GATAD2B: variants seen among roughly 807,000 people sequenced by gnomAD.
GATAD2B encodes the protein GATA zinc finger domain containing 2B, also known as transcriptional repressor p66-beta.
In GATAD2B, 8 loss-of-function variants were observed where a neutral mutation model predicts 64.3. The ratio of observed to expected loss-of-function variants is 0.12; its 90% CI spans 0.07 to 0.22. GATAD2B has a LOEUF of 0.22. Among genes scored for constraint, GATAD2B ranks in the 10% least tolerant of loss-of-function variants. The pLI, the probability that GATAD2B is intolerant of heterozygous loss-of-function variation, is 1.00. For synonymous variants in GATAD2B, 281 were observed against 271.3 expected, an observed-to-expected ratio of 1.04 and a Z score of -0.35; for missense variants, 453 against 752.0, an observed-to-expected ratio of 0.60 and a Z score of 4.65.
intron 1 of GATAD2B, among the ~76,000 whole-genome samples, chr1:153,851,427 A>G (rs755055943): frequency 3.3e-5 from 5 of 152,108 alleles, no homozygotes; most frequent in African/African-American, 4.8e-5. Flanking sequence ...AAGGGTTCCA[A>G]TTTCTTCACT....
chr1:153,905,960 G>A (rs1338221232), intron 1 of GATAD2B, among the ~76,000 whole-genome samples: 2 of 151,142 alleles, frequency 1.3e-5, no homozygotes, highest in Non-Finnish European at 2.9e-5. Context: ...TCAGCTACTA[G>A]GGAGGCTGAG....
In GATAD2B at chr1:153,861,809, T is replaced by TATATATACAC. The variant is rs1294838675; in HGVS notation, c.-1-33462_-1-33461insGTGTATATAT. ...AAAAAAAAAAAAATATATATATATATACACATATGTATATATATGTATATG... is the reference window on the plus strand; with the variant it reads ...AAAAAAAAAAAAATATATATATATATATATATACACACACATATGTATATATATGTATATG... On this transcript the variant is annotated intron_variant, in intron 1 of 10. Transcript: ENST00000368655. 1.6e-4 allele frequency among the ~76,000 whole-genome samples: 20 copies of TATATATACAC among 122,178 alleles called. No individual in the cohort carries two copies. In the South Asian group the frequency reaches 1.9e-3, roughly 11 times the overall value. 80.2% of individuals were successfully genotyped at this position (122,178 alleles called of 152,430 possible).
intron 1 of GATAD2B, among the ~76,000 whole-genome samples, chr1:153,843,784 C>G (rs966168980): frequency 6.7e-6 from 1 of 149,394 alleles, no homozygotes; most frequent in African/African-American, 2.5e-5. Flanking sequence ...AGAGATTTAC[C>G]CTCTCACCTA....
Position 153,888,049 on chromosome 1 carries a change from T to C in GATAD2B, c.-2+34684A>G, listed in dbSNP as rs753934162. On this transcript the variant is annotated intron_variant, in intron 1 of 10. Coordinates refer to ENST00000368655, the MANE Select transcript of GATAD2B (RefSeq NM_020699.4). ...TTGCAGTGAGCTGAGATCGCGCCAC[T>C]GCACTCCAGCCTGGGCAACACAGTG... is the stretch of plus-strand genomic sequence containing the variant. 1.0e-3 allele frequency among the ~76,000 whole-genome samples: 154 copies of C among 150,732 alleles called. No homozygotes were observed. The Middle Eastern group carries it at 0.014, about 13-fold the overall frequency.
intron 1 of GATAD2B, among the ~76,000 whole-genome samples, chr1:153,831,516 AG>A (rs928857365): frequency 6.6e-6 from 1 of 152,204 alleles, no homozygotes; most frequent in Non-Finnish European, 1.5e-5. Flanking sequence ...TAAAAAAAAA[AG>A]AATAGCTTTA....
At chr1:153,898,047 T>C (rs979572935) in intron 1 of GATAD2B, among the ~76,000 whole-genome samples, 3 of 141,558 alleles carry the variant, frequency 2.1e-5, no homozygotes, top group South Asian at 2.2e-4. Flanking sequence ...CTAAAGCCTA[T>C]AATTCTAGCA....
chr1:153,827,140 G>T (rs918218574), intron 2 of GATAD2B, among the ~76,000 whole-genome samples: 1 of 151,092 alleles, frequency 6.6e-6, no homozygotes, highest in Non-Finnish European at 1.5e-5. Flanking sequence ...AGCTACTCAA[G>T]GGGGGTGGGG....
chr1:153,891,653 A>C (rs1358254579), intron 1 of GATAD2B, among the ~76,000 whole-genome samples: 1 of 13,794 alleles, frequency 7.2e-5, no homozygotes, highest in Non-Finnish European at 1.7e-4. Flanking sequence ...GGGTAAGAGG[A>C]GGTAAGTATG....
chr1:153,817,642 T>C (rs1004512364), intron 5 of GATAD2B, 100 bp from the exon 6 acceptor site: 3 of 748,810 alleles, frequency 4.0e-6, no homozygotes, highest in Non-Finnish European at 4.1e-6. Context: ...AATACATAGC[T>C]AAGTAGAAAC....
intron 1 of GATAD2B, among the ~76,000 whole-genome samples, chr1:153,908,126 G>C (rs368049134): frequency 2.6e-5 from 4 of 152,192 alleles, no homozygotes; most frequent in African/African-American, 9.6e-5. Flanking sequence ...TTTATGTTAT[G>C]TACATTTTAA....
chr1:153,899,344 G>A (rs185104310), intron 1 of GATAD2B, among the ~76,000 whole-genome samples: 4 of 152,164 alleles, frequency 2.6e-5, no homozygotes, highest in South Asian at 2.1e-4. Flanking sequence ...CAAGGTGGGC[G>A]GATCACCTGA....
At chr1:153,902,186 C>A (rs948761914) in intron 1 of GATAD2B, among the ~76,000 whole-genome samples, 56 of 152,090 alleles carry the variant, frequency 3.7e-4, no homozygotes, top group African/African-American at 1.3e-3. Flanking sequence ...AAGGCTGAGG[C>A]AGGAGAATCA....
chr1:153,903,962 C>T (rs1348059047), intron 1 of GATAD2B, among the ~76,000 whole-genome samples: 1 of 151,988 alleles, frequency 6.6e-6, no homozygotes, highest in East Asian at 1.9e-4. Context: ...CCAGCGTTGG[C>T]AACAGCATGA....
In GATAD2B at chr1:153,916,146, T is replaced by C. The variant is rs528683104; in HGVS notation, c.-2+6587A>G. On this transcript the variant is annotated intron_variant, in intron 1 of 10. Transcript: ENST00000368655. ...AAATACAAAAATTATCTGGGTGTAGTGGCAGACACCTGTAATCCCAGCTAC... is the reference window on the plus strand; with the variant it reads ...AAATACAAAAATTATCTGGGTGTAGCGGCAGACACCTGTAATCCCAGCTAC... Among the ~76,000 whole-genome samples, 215 of 152,048 alleles carry C rather than the reference T, an allele frequency of 1.4e-3. 1 individual carries two copies. The highest frequency in any genetic ancestry group is 4.9e-3 in the African/African-American group (203 of 41,474).
At chr1:153,843,005 T>A (rs1675552913) in intron 1 of GATAD2B, among the ~76,000 whole-genome samples, 1 of 143,782 alleles carries the variant, frequency 7.0e-6, no homozygotes, top group African/African-American at 2.6e-5. Flanking sequence ...CAGGCTGGAG[T>A]GCAGTGGACC....
chr1:153,812,208 T>A (rs1290349262), intron 8 of GATAD2B, 76 bp from the exon 9 acceptor site: 18 of 641,546 alleles, frequency 2.8e-5, no homozygotes, highest in Middle Eastern at 6.7e-4. Context: ...TTTTTTTTTT[T>A]AAACAGAGAC....
In GATAD2B at chr1:153,861,958, C is replaced by T. The variant is rs1478347984; in HGVS notation, c.-1-33610G>A. 2.7e-5 allele frequency among the ~76,000 whole-genome samples: 4 copies of T among 149,770 alleles called. No individual in the cohort carries two copies. In the South Asian group the frequency reaches 8.4e-4, roughly 31 times the overall value. On this transcript the variant is annotated intron_variant, in intron 1 of 10. Transcript: ENST00000368655. Reference sequence around the variant, plus strand: ...AATTTTTAGGATACAGAAACAATTCCGCATACTGCAACCTTGTGGCTAATA... The same window carrying T: ...AATTTTTAGGATACAGAAACAATTCTGCATACTGCAACCTTGTGGCTAATA...
intron 1 of GATAD2B, among the ~76,000 whole-genome samples, chr1:153,869,035 G>A (rs539995435): frequency 2.0e-5 from 3 of 152,272 alleles, no homozygotes; most frequent in African/African-American, 2.4e-5. Flanking sequence ...GCTCACGCCT[G>A]TAATCCCAGC....
intron 2 of GATAD2B, among the ~76,000 whole-genome samples, chr1:153,825,831 CAT>C (rs892806422): frequency 6.6e-6 from 1 of 152,166 alleles, no homozygotes; most frequent in Admixed American, 6.5e-5. Flanking sequence ...GAGAAAGTAA[CAT>C]GTGTAAAGTT....
Sources: allele counts gnomAD v4.1 joint callset (sites outside exome capture counted in the v4.1 genomes callset), GRCh38; gene constraint gnomAD v4.1.1; transcripts MANE v1.5; gene names NCBI Gene and HGNC (gene_info 2026-07-23, HGNC 2026-07-21).